The following DVL1 variants were observed in gnomAD, a reference collection of about 807,000 sequenced individuals.
DVL1 encodes the protein segment polarity protein dishevelled homolog DVL-1.
A neutral mutation model predicts 65.0 loss-of-function variants in DVL1; 49 were observed. That is an observed-to-expected ratio of 0.75 (90% CI 0.60 to 0.96). The LOEUF is 0.96. DVL1 is among the 40% of genes least tolerant of loss of function. The probability of loss-of-function intolerance (pLI) is 0.00; values close to 1 mark genes in which losing one functional copy is unlikely to be tolerated. For synonymous variants in DVL1, 608 were observed against 433.9 expected, an observed-to-expected ratio of 1.40 and a Z score of -4.99; for missense variants, 1,197 against 1,045.4, an observed-to-expected ratio of 1.15 and a Z score of -2.00.
chr1:1,340,598 G>A, intron 5 of DVL1, 95 bp from the exon 6 acceptor site: 1 of 1,361,730 alleles, frequency 7.3e-7, no homozygotes, highest in East Asian at 2.5e-5. Flanking sequence ...CGGGGGTCTA[G>A]GCCAGGCTTG....
intron 14 of DVL1, 141 bp from the exon 15 acceptor site, chr1:1,336,656 G>A (rs1304861757): frequency 8.7e-7 from 1 of 1,154,316 alleles, no homozygotes; most frequent in South Asian, 1.9e-5. Flanking sequence ...CAGGCGCGAG[G>A]ACAGGGCCGG....
At chr1:1,348,592 C>CG (rs1484218739) in intron 1 of DVL1, among the ~76,000 whole-genome samples, 3 of 152,180 alleles carry the variant, frequency 2.0e-5, no homozygotes, top group Non-Finnish European at 2.9e-5. Context: ...CAGGCGCTCC[C>CG]GGCCAGCCCC....
chr1:1,338,568 G>A lies in DVL1; in HGVS notation c.1293C>T (p.Ile431=), dbSNP rs375888432. ...VMQLPDSGLE[I]RDRMWLKITI... is the part of the protein sequence containing the mutation. The stretch of plus-strand genomic sequence containing the variant: ...TGATCTTGAGCCACATGCGGTCGCG[G>A]ATCTCCAGTCCCGAGTCTGGCAGCT... The change falls in exon 12 of 15, where the codon ATC becomes ATT. Residue 431 remains isoleucine, a synonymous_variant. Coordinates refer to ENST00000378888, the MANE Select transcript of DVL1 (RefSeq NM_001330311.2). The A allele has an allele frequency of 5.0e-6, 8 of 1,612,420 alleles. No homozygotes were observed. In the African/African-American group the frequency reaches 8.0e-5, roughly 16 times the overall value.
At chr1:1,338,229 T>TTGCCCCCCCCCCCCCCCCCCACCCCCCCC in intron 13 of DVL1, 40 bp downstream of exon 13, 1 of 1,522,370 alleles carries the variant, frequency 6.6e-7, no homozygotes, top group Non-Finnish European at 9.0e-7. Context: ...CCTCCGGCGT[T>TTGCCCCCCCCCCCCCCCCCCACCCCCCCC]CCCCTCCCCC....
rs369153264 is a variant in DVL1, at chr1:1,338,345, G to A, written c.1431C>T (p.His477=). ...ARKYASSLLK[H]GFLRHTVNKI... ...TGTTGACCGTGTGCCGCAGGAAGCCGTGCTTCAGCAAGCTGCTGGCGTACT... is the reference window on the plus strand; with the variant it reads ...TGTTGACCGTGTGCCGCAGGAAGCCATGCTTCAGCAAGCTGCTGGCGTACT... The change falls in exon 13 of 15, where the codon CAC becomes CAT. Residue 477 remains histidine, a synonymous_variant. Coordinates refer to ENST00000378888, the MANE Select transcript of DVL1 (RefSeq NM_001330311.2). 57 of 1,611,866 alleles carry A rather than the reference G, an allele frequency of 3.5e-5. No individual in the cohort carries two copies. Among genetic ancestry groups the A allele is most frequent in the Non-Finnish European group, 4.7e-5 (55 of 1,179,700 alleles).
intron 1 of DVL1, among the ~76,000 whole-genome samples, chr1:1,346,992 C>T (rs895978958): frequency 7.2e-5 from 11 of 152,150 alleles, no homozygotes; most frequent in African/African-American, 2.2e-4. Flanking sequence ...GAGAGGTCTG[C>T]GGGTAGAACT....
chr1:1,336,658 C>T (rs572454572), intron 14 of DVL1, 143 bp from the exon 15 acceptor site: 2 of 1,136,742 alleles, frequency 1.8e-6, no homozygotes, highest in South Asian at 3.8e-5. Context: ...GGCGCGAGGA[C>T]AGGGCCGGCA....
chr1:1,347,733 G>A (rs1181809012), intron 1 of DVL1, among the ~76,000 whole-genome samples: 5 of 152,210 alleles, frequency 3.3e-5, no homozygotes, highest in Non-Finnish European at 7.3e-5. Context: ...ACCAGACTCA[G>A]AAAACAAACC....
intron 1 of DVL1, among the ~76,000 whole-genome samples, chr1:1,348,184 G>A (rs968484323): frequency 5.3e-5 from 8 of 152,292 alleles, no homozygotes; most frequent in East Asian, 3.9e-4. Flanking sequence ...TGTCCCAGAG[G>A]GCCCAGCTCA....
intron 1 of DVL1, 55 bp from the exon 2 acceptor site, chr1:1,342,813 T>G: frequency 6.3e-7 from 1 of 1,577,448 alleles, no homozygotes; most frequent in Middle Eastern, 1.7e-4. Flanking sequence ...CCTGCGGTTC[T>G]AGAGGTGAGG....
At position 1,342,166 on chromosome 1, in the gene DVL1, A is replaced by G. The variant is rs753355367; in HGVS notation, c.363-10T>C. On this transcript the variant is annotated splice_polypyrimidine_tract_variant and intron_variant, in intron 3 of 14. Transcript: ENST00000378888. ...GCTGGCCACATTTGGGCTGTGCAAC[A>G]AGAGCAGGGTGGGTGGGGAGGCCGT... is the stretch of plus-strand genomic sequence containing the variant. 22 of 1,553,466 alleles carry G rather than the reference A, an allele frequency of 1.4e-5. No homozygotes were observed. In the South Asian group the frequency reaches 2.6e-4, roughly 18 times the overall value.
intron 14 of DVL1, among the ~76,000 whole-genome samples, chr1:1,336,771 G>A (rs541886943): frequency 2.0e-5 from 3 of 152,174 alleles, no homozygotes; most frequent in African/African-American, 7.2e-5. Context: ...ACCTCACCCC[G>A]ATGCTTGAGC....
rs1197746068 is a variant in DVL1, at chr1:1,336,124, TG to T, written c.*17del. 6.4e-7 allele frequency: 1 copy of T among 1,569,358 alleles called. No individual in the cohort carries two copies. Among genetic ancestry groups the T allele is most frequent in the Non-Finnish European group, 8.6e-7 (1 of 1,164,700 alleles). On this transcript the variant is annotated 3_prime_UTR_variant, in exon 15 of 15. Transcript: ENST00000378888. ...GCCAGCTCCCCACCTCAGGCAGGGC[TG>T]GGGCATGCGCCACGAGTCACATGAT...
chr1:1,338,282 C>A lies in DVL1; in HGVS notation c.1494G>T (p.Gly498=), dbSNP rs1482697956. The A allele has an allele frequency of 6.6e-7, 1 of 1,525,286 alleles. No individual in the cohort carries two copies. Among genetic ancestry groups the A allele is most frequent in the African/African-American group, 1.4e-5 (1 of 71,238 alleles). 94.5% of individuals were successfully genotyped at this position (1,525,286 alleles called of 1,614,324 possible). A position where few individuals can be genotyped will look rare whatever the true frequency, so the allele number is the denominator to read the frequency against. The change falls in exon 13 of 15, where the codon GGG becomes GGT. Residue 498 remains glycine (G), a synonymous_variant. Coordinates refer to ENST00000378888, the MANE Select transcript of DVL1 (RefSeq NM_001330311.2). ...GCCCCCACTCACTGCTGCAGAGATC[C>A]CCGAAGACGTAGTAGCACTGCTCGG... is the stretch of plus-strand genomic sequence containing the variant. The part of the protein sequence containing the change: ...TFSEQCYYVF[G]DLCSNLATLN...
At position 1,342,046 on chromosome 1, in the gene DVL1, A is replaced by C; in HGVS notation, c.466+7T>G. ...GGTCCACAGCTGGGCAGACATGACCACTGTACCCTCCTCGCGGTTCCGGCG... is the reference window on the plus strand; with the variant it reads ...GGTCCACAGCTGGGCAGACATGACCCCTGTACCCTCCTCGCGGTTCCGGCG... On this transcript the variant is annotated splice_region_variant and intron_variant, in intron 4 of 14. Transcript: ENST00000378888. The C allele has an allele frequency of 6.4e-7, 1 of 1,567,558 alleles. No homozygotes were observed. The highest frequency in any genetic ancestry group is 8.6e-7 in the Non-Finnish European group (1 of 1,156,140).
Position 1,339,782 on chromosome 1 carries a change from T to C in DVL1, c.940A>G (p.Asn314Asp), listed in dbSNP as rs778274531. Residue 314 changes from asparagine (N) to aspartate (D), a missense_variant, in exon 9 of 15, where the codon AAT (asparagine) becomes GAT (aspartate). Coordinates refer to ENST00000378888, the MANE Select transcript of DVL1 (RefSeq NM_001330311.2). ...CGCAGCACCCGCACGGCATCGTCAT[T>C]GCTCATGTTCTCAAAGTTCACGTCA... ...VNDVNFENMS[N>D]DDAVRVLREI... The C allele has an allele frequency of 1.9e-6, 3 of 1,612,358 alleles. No individual in the cohort carries two copies. The highest frequency in any genetic ancestry group is 2.2e-5 in the East Asian group (1 of 44,868).
Position 1,339,337 on chromosome 1 carries a change from A to G in DVL1, c.1157T>C (p.Val386Ala), listed in dbSNP as rs1643702699. 9.0e-6 allele frequency: 14 copies of G among 1,548,612 alleles called. No individual in the cohort carries two copies. The highest frequency in any genetic ancestry group is 1.4e-5 in the African/African-American group (1 of 73,084). ...TAGTGAGGAGGAGCTGGTGCGCGTGACGGCGCTGGAGCAGGGACTCGTACC... is the reference window on the plus strand; with the variant it reads ...TAGTGAGGAGGAGCTGGTGCGCGTGGCGGCGCTGGAGCAGGGACTCGTACC... ...RYGTSPCSSA[V>A]TRTSSSSLTS... Residue 386 changes from valine (V) to alanine (A), a missense_variant, in exon 11 of 15, where the codon GTC becomes GCC. Val to Ala is a moderately conservative substitution (Grantham distance 64, BLOSUM62 0). Coordinates refer to ENST00000378888, the MANE Select transcript of DVL1 (RefSeq NM_001330311.2).
chr1:1,336,552 G>C, intron 14 of DVL1, 37 bp from the exon 15 acceptor site: 1 of 1,483,026 alleles, frequency 6.7e-7, no homozygotes, highest in Non-Finnish European at 8.9e-7. Flanking sequence ...GAGCCTGTCA[G>C]CACCAGGCCC....
In DVL1 at chr1:1,335,515, G is replaced by A. The variant is rs61735961; in HGVS notation, c.*627C>T. 0.057 allele frequency: 8,833 copies of A among 154,262 alleles called. 845 individuals are homozygous for A. The highest frequency in any genetic ancestry group is 0.2 in the African/African-American group (8,360 of 41,470). The allele number at this position is 154,262 out of a possible 1,614,324, so 9.6% of individuals were successfully genotyped here. A position where few individuals can be genotyped will look rare whatever the true frequency, so the allele number is the denominator to read the frequency against. On this transcript the variant is annotated 3_prime_UTR_variant, in exon 15 of 15. Transcript: ENST00000378888. Reference sequence around the variant, plus strand: ...CCTCCCTGTGGCAGCTGTGCACATCGGGGCCCCTTGACCCTGCGGGCCATG... The same window carrying A: ...CCTCCCTGTGGCAGCTGTGCACATCAGGGCCCCTTGACCCTGCGGGCCATG...
Sources: gnomAD v4.1 joint callset for allele counts (sites outside exome capture counted in the v4.1 genomes callset) on GRCh38, gnomAD v4.1.1 for gene constraint, MANE v1.5 for transcripts, NCBI Gene and HGNC (gene_info 2026-07-23, HGNC 2026-07-21) for gene names.